Variants in PCDHAC1 observed in about 807,000 individuals in gnomAD.
The protein encoded by PCDHAC1 is protocadherin alpha subfamily C, 1, also known as protocadherin alpha-C1.
Under a neutral mutation model 60.0 loss-of-function variants are expected in PCDHAC1, and 42 were observed. The ratio of observed to expected loss-of-function variants is 0.70; its 90% confidence interval spans 0.55 to 0.90. The LOEUF (loss-of-function observed/expected upper bound fraction) is 0.90, where lower values mean the gene tolerates loss of function less well. Among genes scored for constraint, PCDHAC1 ranks in the 40% least tolerant of loss-of-function variants. The pLI, the probability that PCDHAC1 is intolerant of heterozygous loss-of-function variation, is 0.00. For missense variants in PCDHAC1, 1,160 were observed against 1,222.3 expected (o/e 0.95, Z 0.76); for synonymous variants, 468 against 499.3 (o/e 0.94, Z 0.84).
In PCDHAC1 at chr5:140,967,672, C is replaced by G. The variant is rs781956405; in HGVS notation, c.2434-11277C>G. 36 of 1,614,182 alleles carry G rather than the reference C, an allele frequency of 2.2e-5. No individual in the cohort carries two copies. The South Asian group carries it at 3.8e-4, about 17-fold the overall frequency. ...ACTCCTTGAGCAGCTACACGTCGGACCGGGAGAGGCAGCTCTTCAGCATAG... is the reference window on the plus strand; with the variant it reads ...ACTCCTTGAGCAGCTACACGTCGGAGCGGGAGAGGCAGCTCTTCAGCATAG... On this transcript the variant is annotated intron_variant, in intron 1 of 3. Transcript: ENST00000253807.
intron 1 of PCDHAC1, among the ~76,000 whole-genome samples, chr5:140,934,476 AATTAT>A (rs2089852464): frequency 6.6e-6 from 1 of 152,124 alleles, no homozygotes. Flanking sequence ...TTATTTTGAA[AATTAT>A]ATTCACCTCA....
chr5:140,957,446 C>T (rs1357499949), intron 1 of PCDHAC1, among the ~76,000 whole-genome samples: 2 of 152,216 alleles, frequency 1.3e-5, no homozygotes, highest in East Asian at 1.9e-4. Context: ...TTATAAATCA[C>T]ACTTTATCAT....
intron 1 of PCDHAC1, chr5:140,930,420 A>G (rs996872425): frequency 1.3e-5 from 2 of 151,962 alleles, no homozygotes; most frequent in Non-Finnish European, 2.9e-5. Context: ...CAGGGGTCTC[A>G]CTATGTTGCC....
At chr5:141,003,158 A>G (rs902811266) in intron 3 of PCDHAC1, among the ~76,000 whole-genome samples, 4 of 152,222 alleles carry the variant, frequency 2.6e-5, no homozygotes, top group Non-Finnish European at 5.9e-5. Context: ...GACCTGATCA[A>G]TCCTAGTCCC....
chr5:140,949,685 G>A (rs1044878374), intron 1 of PCDHAC1, among the ~76,000 whole-genome samples: 4 of 151,794 alleles, frequency 2.6e-5, no homozygotes, highest in East Asian at 1.9e-4. Flanking sequence ...TTGTTGAAGC[G>A]TATTGTTGGA....
chr5:140,974,481 A>T (rs1017520033), intron 1 of PCDHAC1, among the ~76,000 whole-genome samples: 4 of 152,178 alleles, frequency 2.6e-5, no homozygotes, highest in Non-Finnish European at 5.9e-5. Context: ...TTCCACCCAG[A>T]ATTCTCAAAT....
intron 3 of PCDHAC1, among the ~76,000 whole-genome samples, chr5:140,986,372 G>C (rs570215048): frequency 2.1e-4 from 32 of 152,248 alleles, no homozygotes; most frequent in Admixed American, 5.2e-4. Context: ...ATGCGTTTTG[G>C]GGGGAGGGAC....
intron 1 of PCDHAC1, among the ~76,000 whole-genome samples, chr5:140,975,613 A>G (rs1482474647): frequency 1.3e-5 from 2 of 152,226 alleles, no homozygotes; most frequent in Non-Finnish European, 2.9e-5. Context: ...TGTCTTCCAC[A>G]TGGATTTCCA....
chr5:140,968,373 C>T (rs1554230649), intron 1 of PCDHAC1: 1 of 1,614,034 alleles, frequency 6.2e-7, no homozygotes, highest in African/African-American at 1.3e-5. Context: ...GCTGTCAACT[C>T]CTTTGACTAT....
At chr5:140,940,028 G>T (rs782276273) in intron 1 of PCDHAC1, among the ~76,000 whole-genome samples, 1 of 152,048 alleles carries the variant, frequency 6.6e-6, no homozygotes, top group African/African-American at 2.4e-5. Context: ...ATGTTTTAAG[G>T]CTATTTTATT....
chr5:140,999,403 A>G (rs1325467300), intron 3 of PCDHAC1, among the ~76,000 whole-genome samples: 7 of 152,176 alleles, frequency 4.6e-5, no homozygotes, highest in African/African-American at 1.7e-4. Context: ...TTTGCATATG[A>G]AAGAATGGGA....
intron 1 of PCDHAC1, among the ~76,000 whole-genome samples, chr5:140,938,952 C>G (rs1036829091): frequency 4.6e-5 from 7 of 152,104 alleles, no homozygotes; most frequent in South Asian, 2.1e-4. Flanking sequence ...TTATAATGCT[C>G]TAGTCGGAGT....
chr5:140,962,619 T>C (rs1405135656), intron 1 of PCDHAC1, among the ~76,000 whole-genome samples: 1 of 152,212 alleles, frequency 6.6e-6, no homozygotes, highest in East Asian at 1.9e-4. Context: ...GGAAGGGAGA[T>C]GTGAAAAAAT....
intron 1 of PCDHAC1, among the ~76,000 whole-genome samples, chr5:140,940,929 A>G (rs2092704989): frequency 1.3e-5 from 2 of 152,230 alleles, no homozygotes; most frequent in Non-Finnish European, 2.9e-5. Flanking sequence ...CTCCTTGGCT[A>G]CTTAGACTAC....
chr5:140,982,447 C>T (rs782801484), intron 2 of PCDHAC1, 28 bp from the exon 3 acceptor site: 5 of 1,613,664 alleles, frequency 3.1e-6, no homozygotes, highest in Admixed American at 3.3e-5. Flanking sequence ...ATGATCTAAC[C>T]GTTATCTGGG....
Position 140,997,281 on chromosome 5 carries a change from T to C in PCDHAC1, c.2582-12346T>C, listed in dbSNP as rs143161972. Reference sequence around the variant, plus strand: ...CTCTTCCAAATATTTCTTGCATCACTTAACAATGGGGATACACTGAGAAAT... The same window carrying C: ...CTCTTCCAAATATTTCTTGCATCACCTAACAATGGGGATACACTGAGAAAT... On this transcript the variant is annotated intron_variant, in intron 3 of 3. Transcript: ENST00000253807. 1.4e-3 allele frequency among the ~76,000 whole-genome samples: 209 copies of C among 152,340 alleles called. 2 individuals carry two copies. Among genetic ancestry groups the C allele is most frequent in the African/African-American group, 4.7e-3 (195 of 41,574 alleles).
At chr5:140,954,807 T>TGAAAATGCTTTAGGCACTTTTGTC (rs2095090008) in intron 1 of PCDHAC1, among the ~76,000 whole-genome samples, 1 of 152,248 alleles carries the variant, frequency 6.6e-6, no homozygotes, top group Admixed American at 6.5e-5. Flanking sequence ...TTGCTTTTGT[T>TGAAAATGCTTTAGGCACTTTTGTC]GAAATTGCTT....
At chr5:140,980,354 G>A (rs1387213682) in intron 2 of PCDHAC1, among the ~76,000 whole-genome samples, 1 of 152,138 alleles carries the variant, frequency 6.6e-6, no homozygotes, top group Non-Finnish European at 1.5e-5. Flanking sequence ...TTCCTGGACT[G>A]GGCGCGGTGG....
chr5:140,978,571 A>G (rs891123704), intron 1 of PCDHAC1, among the ~76,000 whole-genome samples: 5 of 152,208 alleles, frequency 3.3e-5, no homozygotes, highest in African/African-American at 1.2e-4. Flanking sequence ...TGTAATACTG[A>G]ATTGGGAATG....
Sources: allele counts gnomAD v4.1 joint callset (sites outside exome capture counted in the v4.1 genomes callset), GRCh38; gene constraint gnomAD v4.1.1; transcripts MANE v1.5; gene names NCBI Gene and HGNC (gene_info 2026-07-23, HGNC 2026-07-21).